The following ARX variants were observed in gnomAD, a reference collection of about 807,000 sequenced individuals.
The protein encoded by ARX is homeobox protein ARX.
In ARX, 1 loss-of-function variant was observed where a neutral mutation model predicts 23.1. The ratio of observed to expected loss-of-function variants is 0.04; its 90% confidence interval spans 0.02 to 0.21. ARX has a LOEUF of 0.21. ARX is among the 10% of genes least tolerant of loss of function. The pLI is 1.00. For synonymous variants in ARX, 301 were observed against 270.1 expected (o/e 1.11, Z -1.12); for missense variants, 380 against 527.5 (o/e 0.72, Z 2.74).
At position 25,015,803 on chromosome X, in the gene ARX, G is replaced by A. The variant is rs1226250866; in HGVS notation, c.-66C>T. 12 of 1,069,250 alleles carry A rather than the reference G, an allele frequency of 1.1e-5. No individual in the cohort carries two copies. The highest frequency in any genetic ancestry group is 1.4e-5 in the Non-Finnish European group (11 of 781,860). The allele number at this position is 1,069,250 out of a possible 1,213,427, so 88.1% of individuals were successfully genotyped here. On this transcript the variant is annotated 5_prime_UTR_variant, in exon 1 of 5. Coordinates refer to ENST00000379044, the MANE Select transcript of ARX (RefSeq NM_139058.3). ...GCTGCCTCTCCCGGAGGGTGGGATG[G>A]ATGGGTGTGTGTTGGGGGTGGGGTT...
At chrX:25,013,914 C>T in intron 1 of ARX, 116 bp from the exon 2 acceptor site, 1 of 856,680 alleles carries the variant, frequency 1.2e-6, no homozygotes, top group Admixed American at 6.8e-5. Context: ...CGTGCGGGGA[C>T]CGCGCACCAC....
At chrX:25,004,945 G>C (rs1449791778) in intron 4 of ARX, 35 bp from the exon 5 acceptor site, 2 of 1,091,447 alleles carry the variant, frequency 1.8e-6, no homozygotes, top group East Asian at 3.5e-5. Flanking sequence ...TCATGGCCTC[G>C]GGAGCTGTGC....
intron 4 of ARX, 72 bp from the exon 5 acceptor site, chrX:25,004,982 C>T: frequency 9.5e-7 from 1 of 1,052,681 alleles, no homozygotes; most frequent in Non-Finnish European, 1.2e-6. Flanking sequence ...CGTCTCCCGC[C>T]GCTTGTCGCC....
Position 25,004,589 on chromosome X carries a change from C to G in ARX, c.*81G>C, listed in dbSNP as rs186187643. 8.7e-7 allele frequency: 1 copy of G among 1,151,366 alleles called. No individual in the cohort carries two copies. The highest frequency in any genetic ancestry group is 1.2e-6 in the Non-Finnish European group (1 of 866,617). The allele number at this position is 1,151,366 out of a possible 1,213,427, so 94.9% of individuals were successfully genotyped here. A position where few individuals can be genotyped will look rare whatever the true frequency, so the allele number is the denominator to read the frequency against. On this transcript the variant is annotated 3_prime_UTR_variant, in exon 5 of 5. Coordinates refer to ENST00000379044, the MANE Select transcript of ARX (RefSeq NM_139058.3). ...GCCGTCTCGGGAGTGTGCTGGTCCTCTGTTTCCATTTGGTCTTGAGTGGTG... is the reference window on the plus strand; with the variant it reads ...GCCGTCTCGGGAGTGTGCTGGTCCTGTGTTTCCATTTGGTCTTGAGTGGTG...
In ARX at chrX:25,004,222, T is replaced by C. The variant is rs2048666437; in HGVS notation, c.*448A>G. On this transcript the variant is annotated 3_prime_UTR_variant, in exon 5 of 5. Transcript: ENST00000379044. Reference sequence around the variant, plus strand: ...GGGCCCTGGCTTCACGCTGGGGCCCTCGCTGGGGAGATCAACTTCGAGCGC... The same window carrying C: ...GGGCCCTGGCTTCACGCTGGGGCCCCCGCTGGGGAGATCAACTTCGAGCGC... 1 of 135,399 alleles carries C rather than the reference T, an allele frequency of 7.4e-6. No homozygotes were observed. Among genetic ancestry groups the C allele is most frequent in the African/African-American group, 3.4e-5 (1 of 29,484 alleles). 11.2% of individuals were successfully genotyped at this position (135,399 alleles called of 1,213,427 possible).
At position 25,015,856 on chromosome X, in the gene ARX, G is replaced by A; in HGVS notation, c.-119C>T. 1.2e-6 allele frequency: 1 copy of A among 825,362 alleles called. No homozygotes were observed. Among genetic ancestry groups the A allele is most frequent in the East Asian group, 3.5e-5 (1 of 28,944 alleles). 68.0% of individuals were successfully genotyped at this position (825,362 alleles called of 1,213,427 possible). A position where few individuals can be genotyped will look rare whatever the true frequency, so the allele number is the denominator to read the frequency against. On this transcript the variant is annotated 5_prime_UTR_variant, in exon 1 of 5. Transcript: ENST00000379044. ...ATAGCGGGTTATAACGGATATTATTGCGATCTTTGTGCCTTTCTGCCTCCC... is the reference window on the plus strand; with the variant it reads ...ATAGCGGGTTATAACGGATATTATTACGATCTTTGTGCCTTTCTGCCTCCC...
Position 25,004,542 on chromosome X carries a change from A to AC in ARX, c.*127_*128insG. ...CCATGCCCGCATCCAGACTGCTGTG[A>AC]AGGCGGCTGCGCTCTCTCAGTGCCG... On this transcript the variant is annotated 3_prime_UTR_variant, in exon 5 of 5. Coordinates refer to ENST00000379044, the MANE Select transcript of ARX (RefSeq NM_139058.3). The AC allele has an allele frequency of 9.2e-7, 1 of 1,090,237 alleles. No individual in the cohort carries two copies. The highest frequency in any genetic ancestry group is 1.2e-6 in the Non-Finnish European group (1 of 817,841). 89.8% of individuals were successfully genotyped at this position (1,090,237 alleles called of 1,213,427 possible). A position where few individuals can be genotyped will look rare whatever the true frequency, so the allele number is the denominator to read the frequency against.
Position 25,004,535 on chromosome X carries a change from T to C in ARX, c.*135A>G. ...AGGGCTGCCATGCCCGCATCCAGAC[T>C]GCTGTGAAGGCGGCTGCGCTCTCTC... On this transcript the variant is annotated 3_prime_UTR_variant, in exon 5 of 5. Transcript: ENST00000379044. 1 of 1,068,981 alleles carries C rather than the reference T, an allele frequency of 9.4e-7. No homozygotes were observed. Among genetic ancestry groups the C allele is most frequent in the South Asian group, 2.1e-5 (1 of 48,348 alleles). The allele number at this position is 1,068,981 out of a possible 1,213,427, so 88.1% of individuals were successfully genotyped here.
rs1009678018 is a variant in ARX, at chrX:25,004,417, G to A, written c.*253C>T. On this transcript the variant is annotated 3_prime_UTR_variant, in exon 5 of 5. Transcript: ENST00000379044. ...AGGAAAGTAAGAACAAGAGAGAGTG[G>A]ATGTTGGAGTTGGAGCGAGGTTGGC... is the stretch of plus-strand genomic sequence containing the variant. 9.6e-6 allele frequency: 4 copies of A among 415,585 alleles called. No individual in the cohort carries two copies. The highest frequency in any genetic ancestry group is 8.7e-5 in the East Asian group (2 of 22,963). 34.2% of individuals were successfully genotyped at this position (415,585 alleles called of 1,213,427 possible).
chrX:25,015,784 T>C lies in ARX; in HGVS notation c.-47A>G. On this transcript the variant is annotated 5_prime_UTR_variant, in exon 1 of 5. Coordinates refer to ENST00000379044, the MANE Select transcript of ARX (RefSeq NM_139058.3). ...CGCAGAGAGCGGATCGCCGGCTGCC[T>C]CTCCCGGAGGGTGGGATGGATGGGT... 3 of 1,141,865 alleles carry C rather than the reference T, an allele frequency of 2.6e-6. No individual in the cohort carries two copies. Among genetic ancestry groups the C allele is most frequent in the Non-Finnish European group, 1.2e-6 (1 of 846,808 alleles). The allele number at this position is 1,141,865 out of a possible 1,213,427, so 94.1% of individuals were successfully genotyped here.
Position 25,004,862 on chromosome X carries a change from C to A in ARX, c.1497G>T (p.Ala499=), listed in dbSNP as rs770318189. 8 of 1,147,534 alleles carry A rather than the reference C, an allele frequency of 7.0e-6. No homozygotes were observed. The highest frequency in any genetic ancestry group is 9.2e-6 in the Non-Finnish European group (8 of 866,650). The allele number at this position is 1,147,534 out of a possible 1,213,427, so 94.6% of individuals were successfully genotyped here. The change falls in exon 5 of 5, where the codon GCG becomes GCT. Residue 499 remains alanine, a synonymous_variant. Transcript: ENST00000379044. ...CGGCGGGTGTGGGCTGTCTCAGGAG[C>A]GCGGCCGCGGTCGACGCGCTGGTCA... ...APLTSASTAA[A]LLRQPTPAVE...
chrX:25,005,549 C>T (rs1225950468), intron 4 of ARX, among the ~76,000 whole-genome samples: 1 of 112,484 alleles, frequency 8.9e-6, no homozygotes, highest in Non-Finnish European at 1.9e-5. Context: ...CCAGCGCCTG[C>T]GGGTGAGAGT....
At chrX:25,009,020 AG>A (rs1444317034) in intron 3 of ARX, among the ~76,000 whole-genome samples, 1 of 112,383 alleles carries the variant, frequency 8.9e-6, no homozygotes, top group African/African-American at 3.2e-5. Context: ...GCTTTTGTGT[AG>A]CCAAATCTGT....
Position 25,012,981 on chromosome X carries a change from G to A in ARX, c.1014C>T (p.Tyr338=), listed in dbSNP as rs1206193986. 3 of 1,203,969 alleles carry A rather than the reference G, an allele frequency of 2.5e-6. No individual in the cohort carries two copies. Among genetic ancestry groups the A allele is most frequent in the South Asian group, 3.6e-5 (2 of 55,599 alleles). The change falls in exon 2 of 5, where the codon TAC becomes TAT. Residue 338 remains tyrosine, a synonymous_variant. Coordinates refer to ENST00000379044, the MANE Select transcript of ARX (RefSeq NM_139058.3). ...QRRYRTTFTS[Y]QLEELERAFQ... ...AGGCCCGCTCCAGTTCCTCCAGCTG[G>A]TAGCTGGTGAACGTGGTGCGGTAGC...
chrX:25,005,477 TCC>T (rs951455205), intron 4 of ARX, among the ~76,000 whole-genome samples: 5 of 112,116 alleles, frequency 4.5e-5, no homozygotes, highest in African/African-American at 9.7e-5. Context: ...CTCGCCGGCC[TCC>T]CGGGCCACCC....
Position 25,013,548 on chromosome X carries a change from CGCGGCT to C in ARX, c.441_446del (p.Ala154_Ala155del), listed in dbSNP as rs1460450589. 1 of 779,211 alleles carries C rather than the reference CGCGGCT, an allele frequency of 1.3e-6. No individual in the cohort carries two copies. The highest frequency in any genetic ancestry group is 1.5e-6 in the Non-Finnish European group (1 of 659,998). The allele number at this position is 779,211 out of a possible 1,213,427, so 64.2% of individuals were successfully genotyped here. ...TGTCCCAGGCCGCGGCGGCCGCGGCCGCGGCTGCCGCGGCGGCCCCTGCGCCGTCCG... is the reference window on the plus strand; with the variant it reads ...TGTCCCAGGCCGCGGCGGCCGCGGCCGCCGCGGCGGCCCCTGCGCCGTCCG... On this transcript the variant is annotated inframe_deletion, in exon 2 of 5. Transcript: ENST00000379044.
intron 1 of ARX, among the ~76,000 whole-genome samples, chrX:25,014,793 A>G (rs748382895): frequency 1.9e-3 from 220 of 112,960 alleles, no homozygotes; most frequent in Middle Eastern, 0.018. Flanking sequence ...AAAGAAACCA[A>G]CAGTTCTTTC....
In ARX at chrX:25,007,387, G is replaced by T; in HGVS notation, c.1172C>A (p.Ala391Glu). Residue 391 changes from alanine (A) to glutamate (E), a missense_variant, in exon 4 of 5, where the codon GCG (alanine) becomes GAG (glutamate). Around this residue, in one of 3 missense-constraint regions of ARX, gnomAD observed 121 missense variants for 169.7 expected, o/e 0.71. Coordinates refer to ENST00000379044, the MANE Select transcript of ARX (RefSeq NM_139058.3). ...GGGCAGCCCAGGGGGGTGGGTCTGCGCGCCTGCCTTCTCCCGCTTGCGCCA... is the reference window on the plus strand; with the variant it reads ...GGGCAGCCCAGGGGGGTGGGTCTGCTCGCCTGCCTTCTCCCGCTTGCGCCA... ...AKWRKREKAG[A>E]QTHPPGLPFP... The T allele has an allele frequency of 8.6e-7, 1 of 1,157,571 alleles. No homozygotes were observed.
chrX:25,005,682 C>T (rs1202567790), intron 4 of ARX, among the ~76,000 whole-genome samples: 2 of 112,777 alleles, frequency 1.8e-5, no homozygotes, highest in East Asian at 2.8e-4. Context: ...CCTCAGGGAG[C>T]CCCCGACCCA....
Sources: allele counts gnomAD v4.1 joint callset (sites outside exome capture counted in the v4.1 genomes callset), GRCh38; gene constraint gnomAD v4.1.1; regional missense constraint gnomAD v4.1.1; transcripts MANE v1.5; gene names NCBI Gene and HGNC (gene_info 2026-07-23, HGNC 2026-07-21).